AGBL1: variants seen among roughly 807,000 people sequenced by gnomAD.
AGBL1 encodes the protein AGBL carboxypeptidase 1, also known as cytosolic carboxypeptidase 4.
In AGBL1, 130 loss-of-function variants were observed where a neutral mutation model predicts 118.9. That is an observed-to-expected ratio of 1.09 (90% confidence interval 0.95 to 1.26). The LOEUF is 1.26. Ranked by LOEUF, AGBL1 falls within the 50% of genes most tolerant of loss-of-function variation. The pLI is 0.00. For missense variants in AGBL1, 1,584 were observed against 1,298.1 expected (o/e 1.22, Z -3.38); for synonymous variants, 555 against 478.9 (o/e 1.16, Z -2.08).
chr15:86,820,466 A>G (rs2078924836), intron 22 of AGBL1, among the ~76,000 whole-genome samples: 1 of 152,182 alleles, frequency 6.6e-6, no homozygotes, highest in African/African-American at 2.4e-5. Context: ...CCCATCAAAA[A>G]GGAACTTAAA....
intron 24 of AGBL1, among the ~76,000 whole-genome samples, chr15:87,021,392 C>G (rs556029494): frequency 2.0e-5 from 3 of 152,084 alleles, no homozygotes; most frequent in South Asian, 2.1e-4. Flanking sequence ...TTATAAAAAC[C>G]CTGAAAGAAA....
chr15:86,538,717 G>C (rs79743417), intron 19 of AGBL1, among the ~76,000 whole-genome samples: 3,432 of 152,306 alleles, frequency 0.023, 71 homozygotes, highest in Middle Eastern at 0.075. Flanking sequence ...TCTTGATACT[G>C]GGAAGCAGGA....
intron 1 of AGBL1, among the ~76,000 whole-genome samples, chr15:86,120,184 G>A (rs555868295): frequency 1.3e-4 from 20 of 152,280 alleles, no homozygotes; most frequent in African/African-American, 4.3e-4. Flanking sequence ...TCTCCTGCAT[G>A]TACTTGGGGC....
chr15:86,251,930 A>G (rs1182880486), intron 7 of AGBL1, among the ~76,000 whole-genome samples: 1 of 152,212 alleles, frequency 6.6e-6, no homozygotes, highest in Non-Finnish European at 1.5e-5. Flanking sequence ...ATAATCAGAG[A>G]AAAGAACCAC....
intron 18 of AGBL1, among the ~76,000 whole-genome samples, chr15:86,485,973 G>A (rs1220197480): frequency 6.6e-6 from 1 of 151,924 alleles, no homozygotes; most frequent in Non-Finnish European, 1.5e-5. Context: ...AGGCAGGATT[G>A]CAGAGCAGCT....
At chr15:86,945,993 A>G (rs1401151669) in intron 23 of AGBL1, among the ~76,000 whole-genome samples, 1 of 152,222 alleles carries the variant, frequency 6.6e-6, no homozygotes, top group Non-Finnish European at 1.5e-5. Context: ...AGGTATTATA[A>G]TTCTCATTTT....
At chr15:86,963,542 G>A (rs1310048567) in intron 23 of AGBL1, among the ~76,000 whole-genome samples, 1 of 151,916 alleles carries the variant, frequency 6.6e-6, no homozygotes, top group Non-Finnish European at 1.5e-5. Context: ...ATATTACAAA[G>A]TTATAGCAAG....
At chr15:86,722,608 C>A (rs1312294729) in intron 22 of AGBL1, among the ~76,000 whole-genome samples, 10 of 152,218 alleles carry the variant, frequency 6.6e-5, no homozygotes, top group South Asian at 4.1e-4. Context: ...CAAGGACTTC[C>A]TGTCTAAAAC....
chr15:86,442,897 G>A (rs767947096), intron 18 of AGBL1, among the ~76,000 whole-genome samples: 4 of 152,210 alleles, frequency 2.6e-5, no homozygotes, highest in South Asian at 2.1e-4. Context: ...AGAGAGATGC[G>A]ATTGCTGTGT....
chr15:86,532,618 T>C (rs1286074841), intron 19 of AGBL1, among the ~76,000 whole-genome samples: 10 of 147,546 alleles, frequency 6.8e-5, no homozygotes, highest in Non-Finnish European at 1.1e-4. Flanking sequence ...TACTTTAAAG[T>C]TCATATGGAA....
intron 17 of AGBL1, among the ~76,000 whole-genome samples, chr15:86,319,060 A>G (rs1277405763): frequency 6.6e-6 from 1 of 152,240 alleles, no homozygotes; most frequent in Non-Finnish European, 1.5e-5. Flanking sequence ...ATAATATTCC[A>G]TTATATGAAC....
At chr15:86,972,684 G>A (rs1290154782) in intron 23 of AGBL1, among the ~76,000 whole-genome samples, 2 of 151,954 alleles carry the variant, frequency 1.3e-5, no homozygotes, top group Non-Finnish European at 2.9e-5. Context: ...TTGCATGTTT[G>A]TTTGCTCCCC....
At chr15:86,875,239 C>G (rs1181851181) in intron 22 of AGBL1, among the ~76,000 whole-genome samples, 2 of 152,162 alleles carry the variant, frequency 1.3e-5, no homozygotes, top group East Asian at 3.9e-4. Context: ...GCAGGCACTT[C>G]ATCATGCTCT....
intron 4 of AGBL1, 85 bp downstream of exon 4, chr15:86,154,646 G>A (rs1395705716): frequency 1.4e-6 from 2 of 1,455,812 alleles, no homozygotes; most frequent in Non-Finnish European, 1.8e-6. Flanking sequence ...CTGGTTGGAA[G>A]AAAAGCATGG....
intron 5 of AGBL1, among the ~76,000 whole-genome samples, chr15:86,159,573 G>A (rs1205169410): frequency 6.6e-6 from 1 of 151,968 alleles, no homozygotes; most frequent in Non-Finnish European, 1.5e-5. Context: ...ATGAAACTCA[G>A]CCTGTTCTCC....
chr15:86,323,795 T>G (rs2080141967), intron 17 of AGBL1, among the ~76,000 whole-genome samples: 1 of 152,254 alleles, frequency 6.6e-6, no homozygotes, highest in Non-Finnish European at 1.5e-5. Flanking sequence ...ACTAAGGTCA[T>G]GGACCATTGG....
At chr15:86,650,518 T>G (rs1286001580) in intron 21 of AGBL1, among the ~76,000 whole-genome samples, 3 of 152,218 alleles carry the variant, frequency 2.0e-5, no homozygotes, top group Non-Finnish European at 4.4e-5. Context: ...AGCCATCTGA[T>G]AACACGAAAG....
chr15:86,707,888 G>C (rs1429713013), intron 22 of AGBL1, among the ~76,000 whole-genome samples: 1 of 152,042 alleles, frequency 6.6e-6, no homozygotes, highest in African/African-American at 2.4e-5. Flanking sequence ...ATTAGACTAT[G>C]GATGACAGCT....
rs538093078 is a variant in AGBL1, at chr15:86,433,996, A to G, written c.2555+36450A>G. Among the ~76,000 whole-genome samples the G allele has an allele frequency of 2.6e-5, 4 of 152,336 alleles. No homozygotes were observed. The East Asian group carries it at 7.7e-4, about 29-fold the overall frequency. On this transcript the variant is annotated intron_variant, in intron 18 of 22. Transcript: ENST00000614907. Reference sequence around the variant, plus strand: ...TACCATCCAGAGTGGAGCACCTGTAATTGATCCAGAAATTCTAGTTGATAC... The same window carrying G: ...TACCATCCAGAGTGGAGCACCTGTAGTTGATCCAGAAATTCTAGTTGATAC...
Sources: gnomAD v4.1 joint callset for allele counts (sites outside exome capture counted in the v4.1 genomes callset) on GRCh38, gnomAD v4.1.1 for gene constraint, MANE v1.5 for transcripts, NCBI Gene and HGNC (gene_info 2026-07-23, HGNC 2026-07-21) for gene names.